CUX1: variants seen among roughly 807,000 people sequenced by gnomAD.
CUX1 encodes the protein cut like homeobox 1.
In CUX1, 31 loss-of-function variants were observed where a neutral mutation model predicts 158.8. That is an observed-to-expected ratio of 0.20 (90% CI 0.15 to 0.26). The LOEUF (loss-of-function observed/expected upper bound fraction) is 0.26, where lower values mean the gene tolerates loss of function less well. CUX1 is among the 10% of genes least tolerant of loss of function. The pLI is 1.00. For synonymous variants in CUX1, 879 were observed against 862.1 expected, an observed-to-expected ratio of 1.02 and a Z score of -0.34; for missense variants, 1,589 against 2,014.6, an observed-to-expected ratio of 0.79 and a Z score of 4.04.
At chr7:102,047,600 G>A (rs394546) in intron 3 of CUX1, among the ~76,000 whole-genome samples, 3 of 151,756 alleles carry the variant, frequency 2.0e-5, no homozygotes, top group Admixed American at 6.6e-5. Context: ...AGGGATGGAT[G>A]GATGGATGGA....
intron 20 of CUX1, among the ~76,000 whole-genome samples, chr7:102,223,602 C>A (rs181809701): frequency 2.8e-4 from 43 of 152,192 alleles, no homozygotes; most frequent in African/African-American, 9.4e-4. Context: ...AGATGGAGCC[C>A]TGTGATTAAA....
At chr7:101,900,529 C>T (rs1006612400) in intron 1 of CUX1, among the ~76,000 whole-genome samples, 3 of 152,184 alleles carry the variant, frequency 2.0e-5, no homozygotes, top group African/African-American at 7.2e-5. Flanking sequence ...ATTTCTTGGC[C>T]TGGCATAAGC....
chr7:101,887,877 A>G (rs1234570434), intron 1 of CUX1, among the ~76,000 whole-genome samples: 9 of 121,034 alleles, frequency 7.4e-5, no homozygotes, highest in Non-Finnish European at 1.7e-5. Context: ...TTAGAAGCTT[A>G]TGATTCATCG....
chr7:102,282,935 C>T (rs781821291), intron 22 of CUX1: 3 of 966,256 alleles, frequency 3.1e-6, no homozygotes, highest in Admixed American at 3.9e-5. Flanking sequence ...TATCCACTAC[C>T]CCCTAGCCCC....
chr7:102,256,882 C>G lies in CUX1; in HGVS notation c.*7840C>G. On this transcript the variant is annotated 3_prime_UTR_variant, in exon 24 of 24. Transcript: ENST00000292535. ...TGGTTGGTTTTTTGTTGTTGTTTTTCTTGCGTACAAAGTTGGTCAAAACCA... is the reference window on the plus strand; with the variant it reads ...TGGTTGGTTTTTTGTTGTTGTTTTTGTTGCGTACAAAGTTGGTCAAAACCA... The G allele has an allele frequency of 1.0e-6, 1 of 985,436 alleles. No individual in the cohort carries two copies. The highest frequency in any genetic ancestry group is 1.2e-6 in the Non-Finnish European group (1 of 829,948). The allele number at this position is 985,436 out of a possible 1,614,324, so 61.0% of individuals were successfully genotyped here.
chr7:101,874,219 GT>G (rs1208939375), intron 1 of CUX1, among the ~76,000 whole-genome samples: 1 of 152,220 alleles, frequency 6.6e-6, no homozygotes, highest in African/African-American at 2.4e-5. Context: ...TTTCATGCCA[GT>G]TGTGGAGAGG....
chr7:102,234,317 C>T (rs1799312614), intron 22 of CUX1, 77 bp downstream of exon 22: 2 of 1,324,506 alleles, frequency 1.5e-6, no homozygotes, highest in East Asian at 2.9e-5. Context: ...CTTTCACACA[C>T]AGCTGATGAG....
In CUX1 at chr7:102,070,313, CTT is replaced by C. The variant is rs771557261; in HGVS notation, c.190-23_190-22del. ...GACAAATGTTGAGCTCTTTGTTTTTCTTTTCTTTCTTTCCTTCCCTTTCAGAT... is the reference window on the plus strand; with the variant it reads ...GACAAATGTTGAGCTCTTTGTTTTTCTTCTTTCTTTCCTTCCCTTTCAGAT... On this transcript the variant is annotated intron_variant, in intron 3 of 23. Coordinates refer to ENST00000292535, the MANE Select transcript of CUX1 (RefSeq NM_181552.4). The C allele has an allele frequency of 3.1e-6, 5 of 1,591,006 alleles. No individual in the cohort carries two copies. In the South Asian group the frequency reaches 5.6e-5, roughly 18 times the overall value.
intron 8 of CUX1, among the ~76,000 whole-genome samples, chr7:102,139,244 T>TA (rs11459794): frequency 0.35 from 32,382 of 92,788 alleles, 5,799 homozygotes; most frequent in African/African-American, 0.39. Context: ...GACTACATCT[T>TA]AAAAAAAAAA....
intron 2 of CUX1, chr7:101,932,580 A>G (rs1435056803): frequency 2.2e-5 from 10 of 455,548 alleles, no homozygotes; most frequent in Non-Finnish European, 4.4e-5. Flanking sequence ...CAAAGTGAAG[A>G]AAAATGAAGA....
At chr7:102,096,239 G>A (rs1474837333) in intron 4 of CUX1, among the ~76,000 whole-genome samples, 2 of 152,256 alleles carry the variant, frequency 1.3e-5, no homozygotes, top group African/African-American at 2.4e-5. Context: ...CTGTGCCTCT[G>A]CAGGGGTCTC....
chr7:101,843,403 T>C (rs1795365440), intron 1 of CUX1, among the ~76,000 whole-genome samples: 1 of 152,186 alleles, frequency 6.6e-6, no homozygotes, highest in African/African-American at 2.4e-5. Flanking sequence ...GTTTTCTGCT[T>C]ACCATTACTT....
intron 1 of CUX1, among the ~76,000 whole-genome samples, chr7:101,912,509 CAG>C (rs1247355842): frequency 6.6e-6 from 1 of 152,022 alleles, no homozygotes; most frequent in African/African-American, 2.4e-5. Context: ...ATAGTTAGTG[CAG>C]TTCTTCCAGC....
In CUX1 at chr7:102,250,134, G is replaced by A. The variant is rs1801343478; in HGVS notation, c.*1092G>A. Reference sequence around the variant, plus strand: ...TTTTTAACCTCTAACCGCAGAGCACGCTGATCAGACCTCATATCTTGGAGG... The same window carrying A: ...TTTTTAACCTCTAACCGCAGAGCACACTGATCAGACCTCATATCTTGGAGG... On this transcript the variant is annotated 3_prime_UTR_variant, in exon 24 of 24. Coordinates refer to ENST00000292535, the MANE Select transcript of CUX1 (RefSeq NM_181552.4). 5 of 985,252 alleles carry A rather than the reference G, an allele frequency of 5.1e-6. No homozygotes were observed. The highest frequency in any genetic ancestry group is 4.7e-5 in the South Asian group (1 of 21,282). The allele number at this position is 985,252 out of a possible 1,614,324, so 61.0% of individuals were successfully genotyped here. A position where few individuals can be genotyped will look rare whatever the true frequency, so the allele number is the denominator to read the frequency against.
intron 1 of CUX1, among the ~76,000 whole-genome samples, chr7:101,829,444 A>G (rs185575988): frequency 1.5e-4 from 23 of 152,292 alleles, no homozygotes; most frequent in African/African-American, 5.3e-4. Context: ...CTTGCATGAC[A>G]GCCCTATGGA....
intron 2 of CUX1, among the ~76,000 whole-genome samples, chr7:102,016,572 C>A (rs1237649930): frequency 6.6e-6 from 1 of 152,204 alleles, no homozygotes; most frequent in African/African-American, 2.4e-5. Flanking sequence ...TGACCACACC[C>A]CTGCACTCCA....
At chr7:102,172,381 C>T (rs1357236391) in intron 10 of CUX1, among the ~76,000 whole-genome samples, 1 of 151,842 alleles carries the variant, frequency 6.6e-6, no homozygotes, top group Non-Finnish European at 1.5e-5. Context: ...TGCGGGATCT[C>T]ACTCGGTCAC....
intron 3 of CUX1, among the ~76,000 whole-genome samples, chr7:102,038,678 T>C (rs7778441): frequency 0.42 from 64,390 of 151,890 alleles, 14,230 homozygotes; most frequent in Non-Finnish European, 0.46. Flanking sequence ...GCATGGCGGG[T>C]GCGGTGGCTC....
intron 2 of CUX1, among the ~76,000 whole-genome samples, chr7:101,942,386 A>C (rs1807829425): frequency 6.6e-6 from 1 of 152,192 alleles, no homozygotes; most frequent in African/African-American, 2.4e-5. Flanking sequence ...TTTCGATCTT[A>C]CCTTGTATTC....
Sources: gnomAD v4.1 joint callset for allele counts (sites outside exome capture counted in the v4.1 genomes callset) on GRCh38, gnomAD v4.1.1 for gene constraint, MANE v1.5 for transcripts, NCBI Gene and HGNC (gene_info 2026-07-23, HGNC 2026-07-21) for gene names.